RNLS: variants seen among roughly 807,000 people sequenced by gnomAD.
RNLS encodes the protein renalase, FAD dependent amine oxidase.
In RNLS, 39 loss-of-function variants were observed where a neutral mutation model predicts 39.8. The ratio of observed to expected loss-of-function variants is 0.98; its 90% CI spans 0.76 to 1.28. The LOEUF is 1.28. Among genes scored for constraint, RNLS ranks in the 50% most tolerant of loss-of-function variants. The pLI, the probability that RNLS is intolerant of heterozygous loss-of-function variation, is 0.00. For synonymous variants in RNLS, 147 were observed against 150.7 expected (o/e 0.98, Z 0.18); for missense variants, 410 against 413.3 (o/e 0.99, Z 0.07).
chr10:88,256,186 A>G, the RNLS span, among the ~76,000 whole-genome samples: 1 of 152,224 alleles, frequency 6.6e-6, no homozygotes, highest in African/African-American at 2.4e-5. Context: ...AGCTATTTGC[A>G]AGGAAATGGT....
At chr10:88,338,815 G>A (rs909793851) in intron 5 of RNLS, among the ~76,000 whole-genome samples, 1 of 142,380 alleles carries the variant, frequency 7.0e-6, no homozygotes. Flanking sequence ...AGGCTGGAGT[G>A]CAGTGGCGCG....
chr10:88,254,105 T>C, the RNLS span, among the ~76,000 whole-genome samples: 2 of 152,216 alleles, frequency 1.3e-5, no homozygotes, highest in Non-Finnish European at 2.9e-5. Context: ...CATCTTCACA[T>C]TTTTTAATGT....
chr10:88,351,145 G>A (rs1848673852), intron 5 of RNLS, among the ~76,000 whole-genome samples: 1 of 152,108 alleles, frequency 6.6e-6, no homozygotes, highest in Non-Finnish European at 1.5e-5. Context: ...TGTCAGATGA[G>A]TAGATTGCAA....
chr10:88,195,990 A>G, the RNLS span, among the ~76,000 whole-genome samples: 1 of 152,130 alleles, frequency 6.6e-6, no homozygotes. Flanking sequence ...ACTTGTTCCT[A>G]TTTGTCATGC....
downstream of RNLS, among the ~76,000 whole-genome samples, chr10:88,282,586 C>T (rs1296547202): frequency 6.6e-6 from 1 of 151,266 alleles, no homozygotes; most frequent in Non-Finnish European, 1.5e-5. Flanking sequence ...CTTCAGTTAA[C>T]AAGGTAGTGG....
At chr10:88,380,015 G>C (rs1227768778) in intron 4 of RNLS, among the ~76,000 whole-genome samples, 1 of 152,096 alleles carries the variant, frequency 6.6e-6, no homozygotes, top group African/African-American at 2.4e-5. Context: ...ATTGTAACCT[G>C]TCCAAAATTC....
At chr10:88,562,681 A>C (rs1849264103) in intron 4 of RNLS, among the ~76,000 whole-genome samples, 2 of 152,160 alleles carry the variant, frequency 1.3e-5, no homozygotes, top group African/African-American at 4.8e-5. Flanking sequence ...AAATAGAAAA[A>C]AGTAAATAGT....
rs762060634 is a variant in RNLS, at chr10:88,583,235, C to G, written c.-45G>C. On this transcript the variant is annotated 5_prime_UTR_variant, in exon 1 of 7. Transcript: ENST00000331772. The stretch of plus-strand genomic sequence containing the variant: ...CCGCGCTGAGTCTCTGCGGCGGGGC[C>G]GTTCGGCCCGGGCTTTCTGGAAAGG... 6.2e-7 allele frequency: 1 copy of G among 1,607,518 alleles called. No individual in the cohort carries two copies. Among genetic ancestry groups the G allele is most frequent in the Non-Finnish European group, 8.5e-7 (1 of 1,177,898 alleles).
In RNLS at chr10:88,561,027, G is replaced by A. The variant is rs551575548; in HGVS notation, c.526+11876C>T. Among the ~76,000 whole-genome samples, 17 of 152,096 alleles carry A rather than the reference G, an allele frequency of 1.1e-4. No homozygotes were observed. In the South Asian group the frequency reaches 1.2e-3, roughly 11 times the overall value. On this transcript the variant is annotated intron_variant, in intron 4 of 6. Transcript: ENST00000331772. ...GCTACAACTCTCTAGCACCACAGGT[G>A]CCACAGACAGGTCTAGCTGGAGTTT...
At chr10:88,279,397 A>G (rs1236247428), downstream of RNLS, among the ~76,000 whole-genome samples, 1 of 152,186 alleles carries the variant, frequency 6.6e-6, no homozygotes, top group Non-Finnish European at 1.5e-5. Flanking sequence ...CTTTGCATGT[A>G]CATACTATAA....
chr10:88,216,892 G>C, the RNLS span, among the ~76,000 whole-genome samples: 1 of 152,202 alleles, frequency 6.6e-6, no homozygotes, highest in African/African-American at 2.4e-5. Flanking sequence ...ACTGATGTGG[G>C]GGACAGGCAG....
chr10:88,478,875 C>CTCTT (rs148397798), intron 4 of RNLS, among the ~76,000 whole-genome samples: 102 of 149,530 alleles, frequency 6.8e-4, no homozygotes, highest in African/African-American at 1.3e-3. Context: ...TTCTTTCTTT[C>CTCTT]TCTTTCTTTC....
intron 4 of RNLS, among the ~76,000 whole-genome samples, chr10:88,507,318 G>A (rs1282261028): frequency 6.6e-6 from 1 of 151,668 alleles, no homozygotes. Context: ...TATTTTTCCT[G>A]GTAATTAAAA....
At chr10:88,189,656 A>G in the RNLS span, among the ~76,000 whole-genome samples, 7 of 152,314 alleles carry the variant, frequency 4.6e-5, no homozygotes, top group African/African-American at 1.7e-4. Flanking sequence ...CTGGCATGCA[A>G]TAGGCAGTCA....
intron 4 of RNLS, among the ~76,000 whole-genome samples, chr10:88,432,727 G>A (rs1855206514): frequency 6.6e-6 from 1 of 151,938 alleles, no homozygotes; most frequent in Admixed American, 6.6e-5. Context: ...CTCTCTGTAA[G>A]ACTCTATGGT....
intron 4 of RNLS, among the ~76,000 whole-genome samples, chr10:88,519,735 CAT>C (rs1846613887): frequency 6.9e-6 from 1 of 145,506 alleles, no homozygotes; most frequent in Non-Finnish European, 1.5e-5. Flanking sequence ...ATATATATCA[CAT>C]ATATATGATA....
chr10:88,463,665 T>C (rs1246628649), intron 4 of RNLS, among the ~76,000 whole-genome samples: 2 of 152,062 alleles, frequency 1.3e-5, no homozygotes, highest in Non-Finnish European at 2.9e-5. Flanking sequence ...GAGAGATTGC[T>C]ACTCATTTCT....
intron 5 of RNLS, among the ~76,000 whole-genome samples, chr10:88,336,525 T>C (rs145625044): frequency 7.0e-4 from 106 of 152,262 alleles, no homozygotes; most frequent in African/African-American, 2.4e-3. Flanking sequence ...GAAAATAAAA[T>C]GAGAACTCCC....
Position 88,583,122 on chromosome 10 carries a change from C to CTG in RNLS, c.67_68dup (p.Gln23HisfsTer22). ...CAGCAAGGTACAAGGGACCGGACGT[C>CTG]TGCCTCCTCAGCAGCGCAGCGCACA... is the stretch of plus-strand genomic sequence containing the variant. On this transcript the variant is annotated frameshift_variant, in exon 1 of 7. Transcript: ENST00000331772. LOFTEE classifies it high-confidence loss of function. 1 of 1,614,160 alleles carries CTG rather than the reference C, an allele frequency of 6.2e-7. No homozygotes were observed. The highest frequency in any genetic ancestry group is 8.5e-7 in the Non-Finnish European group (1 of 1,179,974).
Sources: allele counts gnomAD v4.1 joint callset (sites outside exome capture counted in the v4.1 genomes callset), GRCh38; gene constraint gnomAD v4.1.1; transcripts MANE v1.5; gene names NCBI Gene and HGNC (gene_info 2026-07-23, HGNC 2026-07-21).